Variants in UIMC1 observed in about 807,000 individuals in gnomAD.
UIMC1 encodes BRCA1-A complex subunit RAP80.
A neutral mutation model predicts 84.9 loss-of-function variants in UIMC1; 42 were observed. That is an observed-to-expected ratio of 0.49 (90% CI 0.39 to 0.64). The LOEUF is 0.64. Among genes scored for constraint, UIMC1 ranks in the 30% least tolerant of loss-of-function variants. The pLI is 0.00. For missense variants in UIMC1, 825 were observed against 847.6 expected (o/e 0.97, Z 0.33); for synonymous variants, 281 against 293.0 (o/e 0.96, Z 0.42).
At position 176,970,796 on chromosome 5, in the gene UIMC1, G is replaced by C. The variant is rs1206216479; in HGVS notation, c.303C>G (p.Ser101Arg). The stretch of plus-strand genomic sequence containing the variant: ...AGAGCTCCTCTTCTTCCTCCTCCTG[G>C]CTGTTCACCTCCCTAGCTTCCTGCT... ...MSEQEAREVN[S>R]QEEEEEELLR... Residue 101 changes from serine (S) to arginine (R), a missense_variant, in exon 4 of 15, where the codon AGC becomes AGG. Ser to Arg is a moderately radical substitution (Grantham distance 110). Coordinates refer to ENST00000511320, the MANE Select transcript of UIMC1 (RefSeq NM_001199298.2). The C allele has an allele frequency of 1.2e-6, 2 of 1,613,992 alleles. No homozygotes were observed. Among genetic ancestry groups the C allele is most frequent in the Middle Eastern group, 1.6e-4 (1 of 6,062 alleles).
intron 10 of UIMC1, among the ~76,000 whole-genome samples, chr5:176,933,409 T>C (rs1459199849): frequency 6.6e-6 from 1 of 152,250 alleles, no homozygotes; most frequent in Non-Finnish European, 1.5e-5. Flanking sequence ...CCCTCAGTAT[T>C]TGGAGGCAAA....
rs570696707 is a variant in UIMC1, at chr5:176,966,511, C to T, written c.1200+2044G>A. 3.5e-4 allele frequency among the ~76,000 whole-genome samples: 53 copies of T among 152,084 alleles called. No individual in the cohort carries two copies. In the South Asian group the frequency reaches 0.011, roughly 30 times the overall value. On this transcript the variant is annotated intron_variant, in intron 6 of 14. Transcript: ENST00000511320. ...ATAATAGTAAAACAAAACCAAAAGT[C>T]AAAGTCTGGTAACAGAAATAGCAAG... is the stretch of plus-strand genomic sequence containing the variant.
At chr5:176,933,007 C>T in intron 10 of UIMC1, among the ~76,000 whole-genome samples, 1 of 152,040 alleles carries the variant, frequency 6.6e-6, no homozygotes, top group East Asian at 1.9e-4. Flanking sequence ...CTGTTCACAC[C>T]GATTAGACCT....
chr5:176,955,969 A>C lies in UIMC1; in HGVS notation c.1329T>G (p.Thr443=). Residue 443 remains threonine, a synonymous_variant, in exon 8 of 15, where the codon ACT becomes ACG. Transcript: ENST00000511320. The stretch of plus-strand genomic sequence containing the variant: ...CAGTGGGGTACTTACCAGGACAAAC[A>C]GTGATTTCTTCTGCAGAACTCTCTG... ...LMPESSAEEI[T]VCPETQLSSS... is the part of the protein sequence containing the mutation. The C allele has an allele frequency of 6.2e-7, 1 of 1,613,824 alleles. No individual in the cohort carries two copies. Among genetic ancestry groups the C allele is most frequent in the Non-Finnish European group, 8.5e-7 (1 of 1,179,770 alleles).
chr5:176,923,027 GTATT>G (rs1410935506), intron 10 of UIMC1, among the ~76,000 whole-genome samples: 1 of 152,154 alleles, frequency 6.6e-6, no homozygotes, highest in Non-Finnish European at 1.5e-5. Flanking sequence ...GCCAGAGCAG[GTATT>G]TATAGGCTTC....
chr5:176,955,842 C>T (rs1346564159), intron 8 of UIMC1, 117 bp downstream of exon 8: 7 of 879,294 alleles, frequency 8.0e-6, no homozygotes, highest in African/African-American at 1.7e-5. Flanking sequence ...TGTACATACA[C>T]GTATCAATTA....
intron 10 of UIMC1, among the ~76,000 whole-genome samples, chr5:176,933,590 G>A (rs1763375944): frequency 6.6e-6 from 1 of 151,662 alleles, no homozygotes; most frequent in South Asian, 2.1e-4. Flanking sequence ...GAGTGGAGTG[G>A]TGCAATCACA....
At chr5:176,972,103 T>G (rs976131211) in intron 3 of UIMC1, among the ~76,000 whole-genome samples, 4 of 151,948 alleles carry the variant, frequency 2.6e-5, no homozygotes, top group Non-Finnish European at 5.9e-5. Flanking sequence ...AAGCTCCTCT[T>G]TATAGAATTA....
At chr5:176,991,005 A>T (rs1011383928) in intron 1 of UIMC1, among the ~76,000 whole-genome samples, 5 of 151,134 alleles carry the variant, frequency 3.3e-5, no homozygotes, top group Non-Finnish European at 5.9e-5. Context: ...TTTATTTTTT[A>T]TTTTTATTTT....
At chr5:176,929,206 G>A (rs1200955679) in intron 10 of UIMC1, among the ~76,000 whole-genome samples, 10 of 147,308 alleles carry the variant, frequency 6.8e-5, no homozygotes, top group East Asian at 2.1e-4. Flanking sequence ...AGTGAGCCAA[G>A]ATCATGCCAC....
chr5:176,925,111 C>G (rs972815643), intron 10 of UIMC1, among the ~76,000 whole-genome samples: 1 of 150,858 alleles, frequency 6.6e-6, no homozygotes. Context: ...ACACATTTGA[C>G]AAACAACTGG....
At chr5:176,954,713 G>A (rs921660920) in intron 8 of UIMC1, among the ~76,000 whole-genome samples, 7 of 146,576 alleles carry the variant, frequency 4.8e-5, no homozygotes, top group Non-Finnish European at 8.9e-5. Flanking sequence ...CCATGACTGC[G>A]CCACTGCACT....
At chr5:176,988,887 T>C (rs1216690003) in intron 1 of UIMC1, among the ~76,000 whole-genome samples, 1 of 152,076 alleles carries the variant, frequency 6.6e-6, no homozygotes, top group Non-Finnish European at 1.5e-5. Context: ...TTTCACCATG[T>C]TGGCCAAGAT....
chr5:176,976,817 T>C (rs1403078699), intron 2 of UIMC1, among the ~76,000 whole-genome samples: 3 of 152,240 alleles, frequency 2.0e-5, no homozygotes, highest in Non-Finnish European at 4.4e-5. Context: ...GGGTTTTTTC[T>C]GGGAGTAATG....
chr5:176,932,439 C>T (rs1250463317), intron 10 of UIMC1, among the ~76,000 whole-genome samples: 3 of 152,050 alleles, frequency 2.0e-5, no homozygotes, highest in African/African-American at 4.8e-5. Flanking sequence ...TAATTTCAAA[C>T]GGCATGTTAG....
intron 1 of UIMC1, chr5:177,001,441 A>G (rs1041776651): frequency 6.6e-6 from 1 of 152,222 alleles, no homozygotes; most frequent in Non-Finnish European, 1.5e-5. Flanking sequence ...GGAAGCTTCA[A>G]CATAGTAAAC....
chr5:176,912,934 C>T (rs1479392952), intron 10 of UIMC1, among the ~76,000 whole-genome samples: 1 of 152,228 alleles, frequency 6.6e-6, no homozygotes, highest in Admixed American at 6.5e-5. Context: ...TCCCAAAGTG[C>T]TGGGATTACA....
intron 10 of UIMC1, among the ~76,000 whole-genome samples, chr5:176,913,911 A>C (rs576423760): frequency 1.3e-5 from 2 of 152,330 alleles, no homozygotes; most frequent in South Asian, 2.1e-4. Context: ...AGGAGGGTTG[A>C]GGCTGCAGTG....
intron 10 of UIMC1, 124 bp from the exon 11 acceptor site, chr5:176,911,513 G>A (rs1037523166): frequency 3.9e-6 from 2 of 513,468 alleles, no homozygotes; most frequent in East Asian, 3.6e-5. Flanking sequence ...GAAGTGCATT[G>A]TTTGGGAAGT....
Sources: allele counts gnomAD v4.1 joint callset (sites outside exome capture counted in the v4.1 genomes callset), GRCh38; gene constraint gnomAD v4.1.1; transcripts MANE v1.5; gene names NCBI Gene and HGNC (gene_info 2026-07-23, HGNC 2026-07-21).